Variants in VAV1 observed in about 807,000 individuals in gnomAD.
VAV1 encodes vav guanine nucleotide exchange factor 1.
Under a neutral mutation model 128.1 loss-of-function variants are expected in VAV1, and 33 were observed. The ratio of observed to expected loss-of-function variants is 0.26; its 90% CI spans 0.20 to 0.34. VAV1 has a LOEUF of 0.34. Ranked by LOEUF, VAV1 falls within the 10% of genes least tolerant of loss-of-function variation. The probability of loss-of-function intolerance (pLI) is 1.00; values close to 1 mark genes in which losing one functional copy is unlikely to be tolerated. For missense variants in VAV1, 715 were observed against 1,093.7 expected, an observed-to-expected ratio of 0.65 and a Z score of 4.88; for synonymous variants, 394 against 409.8, an observed-to-expected ratio of 0.96 and a Z score of 0.47.
At chr19:6,783,421 T>C (rs981378697) in intron 1 of VAV1, among the ~76,000 whole-genome samples, 12 of 150,094 alleles carry the variant, frequency 8.0e-5, no homozygotes, top group Admixed American at 6.0e-4. Context: ...AAGAGCGCTA[T>C]GAAAGAATTT....
Position 6,777,123 on chromosome 19 carries a change from T to TCCATCCATCCACCCATC in VAV1, c.204+4124_204+4140dup, listed in dbSNP as rs1970660887. On this transcript the variant is annotated intron_variant, in intron 1 of 26. Coordinates refer to ENST00000602142, the MANE Select transcript of VAV1 (RefSeq NM_005428.4). The surrounding 1 kb of genome is among the most constrained non-coding windows in gnomAD (Gnocchi z 4.4). ...ATCCATCTACTCATCCATCCATCCATCCATCCATCCACCCATCCCATCCAT... is the reference window on the plus strand; with the variant it reads ...ATCCATCTACTCATCCATCCATCCATCCATCCATCCACCCATCCCATCCATCCACCCATCCCATCCAT... Among the ~76,000 whole-genome samples, 1 of 151,666 alleles carries TCCATCCATCCACCCATC rather than the reference T, an allele frequency of 6.6e-6. No homozygotes were observed. The highest frequency in any genetic ancestry group is 6.6e-5 in the Admixed American group (1 of 15,162).
At chr19:6,778,986 C>T (rs1254917691) in intron 1 of VAV1, among the ~76,000 whole-genome samples, 2 of 148,450 alleles carry the variant, frequency 1.3e-5, no homozygotes, top group Admixed American at 6.6e-5. Flanking sequence ...AAGCAGTCCT[C>T]CTGCCTCAGC....
In VAV1 at chr19:6,782,186, C is replaced by T. The variant is rs537982949; in HGVS notation, c.204+9175C>T. ...CTCTACTACAAATACAATAATTAGC[C>T]GGGTGTGCTGGTGGGCACCTGTAAT... On this transcript the variant is annotated intron_variant, in intron 1 of 26. Coordinates refer to ENST00000602142, the MANE Select transcript of VAV1 (RefSeq NM_005428.4). Among the ~76,000 whole-genome samples, 6 of 152,004 alleles carry T rather than the reference C, an allele frequency of 3.9e-5. No homozygotes were observed. The South Asian group carries it at 8.3e-4, about 21-fold the overall frequency.
chr19:6,792,630 T>G (rs1971041801), intron 1 of VAV1, among the ~76,000 whole-genome samples: 1 of 152,102 alleles, frequency 6.6e-6, no homozygotes, highest in African/African-American at 2.4e-5. Flanking sequence ...CAGGCTGCTC[T>G]TGACATCCTG....
chr19:6,827,108 T>G, intron 9 of VAV1: 1 of 224,856 alleles, frequency 4.4e-6, no homozygotes, highest in Non-Finnish European at 9.2e-6. Flanking sequence ...AACCTGGATC[T>G]GTCTGGTGGA....
chr19:6,852,518 G>A (rs1972692093), intron 24 of VAV1, among the ~76,000 whole-genome samples: 1 of 152,078 alleles, frequency 6.6e-6, no homozygotes, highest in Non-Finnish European at 1.5e-5. Flanking sequence ...TCAGGAGATC[G>A]AGACCATCCT....
intron 15 of VAV1, among the ~76,000 whole-genome samples, chr19:6,832,449 C>G (rs1972083654): frequency 6.6e-6 from 1 of 151,638 alleles, no homozygotes; most frequent in African/African-American, 2.4e-5. Flanking sequence ...TTCTCCTCTC[C>G]TCTTCCTTCT....
intron 21 of VAV1, among the ~76,000 whole-genome samples, chr19:6,838,533 C>T (rs1972288006): frequency 6.6e-6 from 1 of 152,140 alleles, no homozygotes; most frequent in Non-Finnish European, 1.5e-5. Flanking sequence ...TATCATCTAT[C>T]TATTCACCGA....
intron 21 of VAV1, among the ~76,000 whole-genome samples, chr19:6,841,981 T>C (rs1039980829): frequency 1.3e-5 from 2 of 151,416 alleles, no homozygotes; most frequent in African/African-American, 4.9e-5. Flanking sequence ...ATCCCAACAC[T>C]TTGGGAGGCC....
chr19:6,774,992 C>T (rs983864914), intron 1 of VAV1, among the ~76,000 whole-genome samples: 3 of 150,982 alleles, frequency 2.0e-5, no homozygotes, highest in African/African-American at 7.3e-5. Flanking sequence ...CCTTGAACTC[C>T]TGACCTCAGG....
At chr19:6,781,623 T>C (rs1970768059) in intron 1 of VAV1, among the ~76,000 whole-genome samples, 1 of 143,380 alleles carries the variant, frequency 7.0e-6, no homozygotes, top group Non-Finnish European at 1.5e-5. Flanking sequence ...TTTTTTTTTT[T>C]TTGAGGCTGA....
At chr19:6,801,059 A>G (rs1568292127) in intron 1 of VAV1, among the ~76,000 whole-genome samples, 1 of 152,020 alleles carries the variant, frequency 6.6e-6, no homozygotes, top group Non-Finnish European at 1.5e-5. Flanking sequence ...CACCACCCTC[A>G]TCATCAATTA....
At chr19:6,836,662 T>C (rs1213997194) in intron 20 of VAV1, 94 bp downstream of exon 20, 6 of 1,541,892 alleles carry the variant, frequency 3.9e-6, no homozygotes, top group Non-Finnish European at 4.4e-6. Context: ...AGTTCCACCA[T>C]GCTCTGGAGG....
chr19:6,800,778 C>T (rs1599635324), intron 1 of VAV1, among the ~76,000 whole-genome samples: 1 of 126,804 alleles, frequency 7.9e-6, no homozygotes, highest in South Asian at 3.1e-4. Flanking sequence ...CCTGTCACCA[C>T]GCCTGGCAAA....
intron 1 of VAV1, among the ~76,000 whole-genome samples, chr19:6,819,393 C>T (rs528563020): frequency 6.6e-6 from 1 of 152,370 alleles, no homozygotes; most frequent in African/African-American, 2.4e-5. Flanking sequence ...ACCAACCCTA[C>T]TGACACCTTG....
Position 6,831,853 on chromosome 19 carries a change from AGTGT to A in VAV1, c.1399-214_1399-211del, listed in dbSNP as rs112497070. Among the ~76,000 whole-genome samples, 636 of 146,570 alleles carry A rather than the reference AGTGT, an allele frequency of 4.3e-3. 2 individuals carry two copies. The highest frequency in any genetic ancestry group is 0.012 in the South Asian group (55 of 4,612). The stretch of plus-strand genomic sequence containing the variant: ...TCTGGTGTGTGCTTCTGCAAAGGGG[AGTGT>A]GTGTGTGTGTGTGTGTGTGTGTGCA... On this transcript the variant is annotated intron_variant, in intron 14 of 26. Coordinates refer to ENST00000602142, the MANE Select transcript of VAV1 (RefSeq NM_005428.4).
chr19:6,833,396 T>C (rs1972137078), intron 16 of VAV1, 111 bp downstream of exon 16: 4 of 1,373,796 alleles, frequency 2.9e-6, no homozygotes, highest in Non-Finnish European at 4.0e-6. Flanking sequence ...GAGTCCCTAC[T>C]TTGATCTTCT....
At chr19:6,814,676 CTT>C (rs1284476251) in intron 1 of VAV1, among the ~76,000 whole-genome samples, 2 of 97,370 alleles carry the variant, frequency 2.1e-5, no homozygotes, top group African/African-American at 1.0e-4. Flanking sequence ...TCCTTCCTTT[CTT>C]TCTTTCTTTC....
intron 18 of VAV1, 85 bp downstream of exon 18, chr19:6,833,818 A>G (rs1972152607): frequency 6.4e-7 from 1 of 1,561,224 alleles, no homozygotes; most frequent in East Asian, 2.2e-5. Flanking sequence ...GGAACTGGGC[A>G]GGATCCTTTG....
Sources: allele counts gnomAD v4.1 joint callset (sites outside exome capture counted in the v4.1 genomes callset), GRCh38; gene constraint gnomAD v4.1.1; non-coding constraint Gnocchi (gnomAD v3.1); transcripts MANE v1.5; gene names NCBI Gene and HGNC (gene_info 2026-07-23, HGNC 2026-07-21).